Variants in ADGRL3 observed in about 807,000 individuals in gnomAD.
ADGRL3 encodes calcium-independent alpha-latrotoxin receptor 3.
A neutral mutation model predicts 153.5 loss-of-function variants in ADGRL3; 62 were observed. That is an observed-to-expected ratio of 0.40 (90% CI 0.33 to 0.50). ADGRL3 has a LOEUF of 0.50. Ranked by LOEUF, ADGRL3 falls within the 20% of genes least tolerant of loss-of-function variation. The pLI, the probability that ADGRL3 is intolerant of heterozygous loss-of-function variation, is 0.47. For missense variants in ADGRL3, 1,641 were observed against 1,859.4 expected (o/e 0.88, Z 2.16); for synonymous variants, 710 against 672.5 (o/e 1.06, Z -0.86).
chr4:62,009,146 G>T (rs913400358), intron 21 of ADGRL3, among the ~76,000 whole-genome samples: 2 of 152,092 alleles, frequency 1.3e-5, no homozygotes, highest in East Asian at 3.9e-4. Flanking sequence ...ACACATGACT[G>T]TATATGCTTT....
intron 17 of ADGRL3, among the ~76,000 whole-genome samples, chr4:61,954,692 G>T (rs528546015): frequency 8.5e-5 from 13 of 152,080 alleles, no homozygotes; most frequent in African/African-American, 3.1e-4. Context: ...GTCCTAGTTA[G>T]ACCTAAGTGT....
intron 9 of ADGRL3, among the ~76,000 whole-genome samples, chr4:61,864,127 T>G (rs144865472): frequency 6.6e-6 from 1 of 152,236 alleles, no homozygotes; most frequent in Non-Finnish European, 1.5e-5. Context: ...CAAACTGTAC[T>G]ATGTACCTTA....
intron 1 of ADGRL3, among the ~76,000 whole-genome samples, chr4:61,280,713 A>T (rs1294618466): frequency 6.6e-6 from 1 of 152,192 alleles, no homozygotes; most frequent in African/African-American, 2.4e-5. Flanking sequence ...AAGGAAATAG[A>T]TAATTAACTT....
intron 17 of ADGRL3, among the ~76,000 whole-genome samples, chr4:61,954,026 A>T (rs183477075): frequency 2.6e-5 from 4 of 152,250 alleles, no homozygotes; most frequent in Non-Finnish European, 5.9e-5. Flanking sequence ...GATGTCATGC[A>T]GTCATATGGA....
At chr4:61,668,912 G>A (rs1280079859) in intron 5 of ADGRL3, among the ~76,000 whole-genome samples, 1 of 152,046 alleles carries the variant, frequency 6.6e-6, no homozygotes, top group Non-Finnish European at 1.5e-5. Flanking sequence ...CCAGTTATTC[G>A]GGAGGCTGAA....
At chr4:61,775,903 ATTTAT>A in intron 8 of ADGRL3, 1 of 247,110 alleles carries the variant, frequency 4.0e-6, no homozygotes, top group Non-Finnish European at 7.5e-6. Flanking sequence ...TTATTTATTT[ATTTAT>A]TTATTTTTTT....
At chr4:61,738,731 GACATGTA>G (rs2096548398) in intron 8 of ADGRL3, among the ~76,000 whole-genome samples, 1 of 152,108 alleles carries the variant, frequency 6.6e-6, no homozygotes, top group African/African-American at 2.4e-5. Flanking sequence ...CCAATTGTAT[GACATGTA>G]TGTTTGCATT....
intron 5 of ADGRL3, among the ~76,000 whole-genome samples, chr4:61,611,238 C>A (rs950092590): frequency 6.6e-6 from 1 of 151,998 alleles, no homozygotes; most frequent in African/African-American, 2.4e-5. Context: ...AGATGAGATG[C>A]GGAAGAACCC....
chr4:61,524,478 C>A (rs1290046170), intron 4 of ADGRL3, among the ~76,000 whole-genome samples: 1 of 151,952 alleles, frequency 6.6e-6, no homozygotes, highest in Non-Finnish European at 1.5e-5. Flanking sequence ...GGTTATTAGG[C>A]ATATCTTTAA....
In ADGRL3 at chr4:61,652,078, T is replaced by C. The variant is rs1481391698; in HGVS notation, c.474-24748T>C. On this transcript the variant is annotated intron_variant, in intron 5 of 26. Coordinates refer to ENST00000683033, the MANE Select transcript of ADGRL3 (RefSeq NM_001387552.1). Reference sequence around the variant, plus strand: ...TCCATGTGCATATTGAAAAGGAATGTATTTAACACCCTCTAAAAGAACTGG... The same window carrying C: ...TCCATGTGCATATTGAAAAGGAATGCATTTAACACCCTCTAAAAGAACTGG... Among the ~76,000 whole-genome samples the C allele has an allele frequency of 2.0e-5, 3 of 152,186 alleles. No homozygotes were observed. The East Asian group carries it at 5.8e-4, about 29-fold the overall frequency.
intron 17 of ADGRL3, among the ~76,000 whole-genome samples, chr4:61,960,494 T>C (rs1250877642): frequency 6.6e-6 from 1 of 152,148 alleles, no homozygotes; most frequent in African/African-American, 2.4e-5. Flanking sequence ...GACTCTGGGT[T>C]TGGGTTTTAC....
At chr4:61,570,682 A>G (rs1367999571) in intron 4 of ADGRL3, among the ~76,000 whole-genome samples, 5 of 152,132 alleles carry the variant, frequency 3.3e-5, no homozygotes, top group African/African-American at 9.7e-5. Flanking sequence ...AAGCTCCATG[A>G]GAGTAGAGGG....
At chr4:61,535,519 T>G (rs980968569) in intron 4 of ADGRL3, among the ~76,000 whole-genome samples, 3 of 152,078 alleles carry the variant, frequency 2.0e-5, no homozygotes, top group Non-Finnish European at 2.9e-5. Flanking sequence ...TGGTACCAAC[T>G]TTTCTTTGTA....
At chr4:61,813,163 G>A (rs2097649728) in intron 8 of ADGRL3, among the ~76,000 whole-genome samples, 2 of 152,134 alleles carry the variant, frequency 1.3e-5, no homozygotes, top group South Asian at 4.1e-4. Flanking sequence ...GGGAGGCCAA[G>A]GCGAGTGGAT....
Position 61,912,737 on chromosome 4 carries a change from T to A in ADGRL3, c.2092T>A (p.Ser698Thr). 1 of 1,613,352 alleles carries A rather than the reference T, an allele frequency of 6.2e-7. No individual in the cohort carries two copies. Among genetic ancestry groups the A allele is most frequent in the Non-Finnish European group, 8.5e-7 (1 of 1,179,498 alleles). The change falls in exon 13 of 27, where the codon TCT becomes ACT. Residue 698 changes from serine (S) to threonine (T), a missense_variant. Ser to Thr is a moderately conservative substitution (Grantham distance 58). Transcript: ENST00000683033. ...SLNKLQKRERSCRAYVQAMVE... is the reference protein window; with the variant it reads ...SLNKLQKRERTCRAYVQAMVE... ...GATTCAGCTTCAGAAAAGAGAGCGCTCTTGCAGAGCCTATGTCCAGGTACT... is the reference window on the plus strand; with the variant it reads ...GATTCAGCTTCAGAAAAGAGAGCGCACTTGCAGAGCCTATGTCCAGGTACT...
chr4:61,623,513 A>G (rs1053124998), intron 5 of ADGRL3, among the ~76,000 whole-genome samples: 3 of 152,182 alleles, frequency 2.0e-5, no homozygotes, highest in African/African-American at 7.2e-5. Flanking sequence ...TTTAGGATGC[A>G]ATCCTTTCAG....
intron 1 of ADGRL3, among the ~76,000 whole-genome samples, chr4:61,307,468 C>T (rs1256517844): frequency 6.6e-6 from 1 of 151,904 alleles, no homozygotes. Flanking sequence ...AAACCAGGGG[C>T]CTTTAACTTT....
At chr4:61,755,009 C>T (rs1371230400) in intron 8 of ADGRL3, among the ~76,000 whole-genome samples, 1 of 152,130 alleles carries the variant, frequency 6.6e-6, no homozygotes, top group Non-Finnish European at 1.5e-5. Flanking sequence ...TTTCTTAATC[C>T]AGTCTATCAT....
chr4:61,400,882 G>A (rs747439060), intron 2 of ADGRL3, among the ~76,000 whole-genome samples: 1 of 150,166 alleles, frequency 6.7e-6, no homozygotes, highest in Non-Finnish European at 1.5e-5. Flanking sequence ...GGTATGTCAC[G>A]TGCTTGTGCA....
Sources: gnomAD v4.1 joint callset for allele counts (sites outside exome capture counted in the v4.1 genomes callset) on GRCh38, gnomAD v4.1.1 for gene constraint, MANE v1.5 for transcripts, NCBI Gene and HGNC (gene_info 2026-07-23, HGNC 2026-07-21) for gene names.